The following DPP10 variants were observed in gnomAD, a reference collection of about 807,000 sequenced individuals.
DPP10 encodes the protein inactive dipeptidyl peptidase 10.
DPP10 carries 33 observed loss-of-function variants against 120.9 expected under a neutral mutation model. That is an observed-to-expected ratio of 0.27 (90% confidence interval 0.21 to 0.37). The LOEUF is 0.37. DPP10 is among the 10% of genes least tolerant of loss of function. DPP10 has a pLI of 1.00. For synonymous variants in DPP10, 337 were observed against 326.1 expected (o/e 1.03, Z -0.36); for missense variants, 816 against 942.8 (o/e 0.87, Z 1.76).
chr2:115,766,880 C>T (rs768149921), intron 12 of DPP10, among the ~76,000 whole-genome samples: 14 of 152,142 alleles, frequency 9.2e-5, no homozygotes, highest in Non-Finnish European at 1.5e-4. Flanking sequence ...CAGCACCCAG[C>T]GGTTACTGCT....
intron 1 of DPP10, among the ~76,000 whole-genome samples, chr2:114,853,262 T>A (rs1211148905): frequency 6.6e-6 from 1 of 152,172 alleles, no homozygotes; most frequent in African/African-American, 2.4e-5. Context: ...TGAAAACATA[T>A]GTAAACATTC....
chr2:115,471,903 G>T (rs1299121076), intron 3 of DPP10, among the ~76,000 whole-genome samples: 2 of 151,990 alleles, frequency 1.3e-5, no homozygotes, highest in Non-Finnish European at 2.9e-5. Context: ...GCAGGTGTGA[G>T]CCACTTCACT....
At chr2:115,249,624 A>G (rs1465204509) in intron 1 of DPP10, among the ~76,000 whole-genome samples, 1 of 152,174 alleles carries the variant, frequency 6.6e-6, no homozygotes, top group Non-Finnish European at 1.5e-5. Flanking sequence ...CGGAAATTCT[A>G]CATAGAAGCT....
At chr2:115,529,300 G>T (rs1295669588) in intron 5 of DPP10, among the ~76,000 whole-genome samples, 2 of 151,838 alleles carry the variant, frequency 1.3e-5, no homozygotes, top group African/African-American at 4.8e-5. Context: ...CTCCTGAGTA[G>T]CTGGGATTAC....
intron 1 of DPP10, among the ~76,000 whole-genome samples, chr2:114,888,334 A>G (rs1004509411): frequency 9.9e-5 from 15 of 152,242 alleles, no homozygotes; most frequent in Admixed American, 3.3e-4. Flanking sequence ...TATATCATTA[A>G]GGAACACAAA....
chr2:115,042,309 C>T (rs1210223252), intron 1 of DPP10, among the ~76,000 whole-genome samples: 1 of 152,042 alleles, frequency 6.6e-6, no homozygotes, highest in Non-Finnish European at 1.5e-5. Flanking sequence ...CTGTGTTGCC[C>T]AGGCTAGGGT....
chr2:114,640,239 T>C (rs1695607477), intron 1 of DPP10, among the ~76,000 whole-genome samples: 1 of 151,914 alleles, frequency 6.6e-6, no homozygotes, highest in South Asian at 2.1e-4. Context: ...TGGGCTTGCT[T>C]GCTGAAGCGT....
At chr2:115,228,146 C>T (rs1361016277) in intron 1 of DPP10, among the ~76,000 whole-genome samples, 2 of 151,744 alleles carry the variant, frequency 1.3e-5, no homozygotes, top group East Asian at 1.9e-4. Context: ...TGGGGTTTTG[C>T]AAAATTGACA....
intron 3 of DPP10, among the ~76,000 whole-genome samples, chr2:115,451,624 G>A (rs2073112927): frequency 6.6e-6 from 1 of 151,866 alleles, no homozygotes; most frequent in Non-Finnish European, 1.5e-5. Context: ...AGCACAGACA[G>A]CTGCCTCTGT....
chr2:114,801,028 C>T (rs1346517280), intron 1 of DPP10, among the ~76,000 whole-genome samples: 1 of 151,616 alleles, frequency 6.6e-6, no homozygotes, highest in Non-Finnish European at 1.5e-5. Context: ...CTTTGGGAGG[C>T]CGAGGAGGGC....
At chr2:114,521,125 TA>T (rs1573553891) in intron 1 of DPP10, among the ~76,000 whole-genome samples, 1 of 151,812 alleles carries the variant, frequency 6.6e-6, no homozygotes. Flanking sequence ...AGAAAATAAA[TA>T]AAAAATATAG....
At chr2:114,975,051 T>C (rs1427016019) in intron 1 of DPP10, among the ~76,000 whole-genome samples, 2 of 151,840 alleles carry the variant, frequency 1.3e-5, no homozygotes, top group Non-Finnish European at 2.9e-5. Flanking sequence ...GCTTTTTTTT[T>C]TTTTTGAGAT....
At chr2:114,694,542 G>A (rs1411381487) in intron 1 of DPP10, among the ~76,000 whole-genome samples, 1 of 151,936 alleles carries the variant, frequency 6.6e-6, no homozygotes, top group African/African-American at 2.4e-5. Context: ...ATTAATATGT[G>A]TTCTCTTTGA....
chr2:114,655,578 A>T (rs1696908008), intron 1 of DPP10, among the ~76,000 whole-genome samples: 1 of 152,194 alleles, frequency 6.6e-6, no homozygotes, highest in African/African-American at 2.4e-5. Context: ...GTGGAAGTAA[A>T]TAGTGACAGG....
chr2:114,888,935 C>A (rs559428431), intron 1 of DPP10, among the ~76,000 whole-genome samples: 1 of 152,254 alleles, frequency 6.6e-6, no homozygotes, highest in South Asian at 2.1e-4. Flanking sequence ...GAAATCTTAA[C>A]CCTCAATACT....
At chr2:115,474,659 C>T (rs1385369055) in intron 3 of DPP10, among the ~76,000 whole-genome samples, 1 of 150,412 alleles carries the variant, frequency 6.6e-6, no homozygotes, top group Non-Finnish European at 1.5e-5. Flanking sequence ...TGACCTGAAA[C>T]TGGAACTTAT....
intron 1 of DPP10, among the ~76,000 whole-genome samples, chr2:115,264,967 G>C (rs151121352): frequency 2.6e-4 from 40 of 152,212 alleles, no homozygotes; most frequent in African/African-American, 8.9e-4. Context: ...AAATGTTTCA[G>C]CTTATAGGTT....
At chr2:114,643,269 A>G (rs1695850002) in intron 1 of DPP10, among the ~76,000 whole-genome samples, 1 of 151,888 alleles carries the variant, frequency 6.6e-6, no homozygotes, top group South Asian at 2.1e-4. Context: ...GATGACAGCC[A>G]GGGGCAGGGA....
chr2:115,666,068 C>A (rs1422679868), intron 5 of DPP10, among the ~76,000 whole-genome samples: 1 of 152,006 alleles, frequency 6.6e-6, no homozygotes, highest in Non-Finnish European at 1.5e-5. Flanking sequence ...CTCAAGTAGA[C>A]CTTGGTTTGT....
Sources: allele counts gnomAD v4.1 joint callset (sites outside exome capture counted in the v4.1 genomes callset), GRCh38; gene constraint gnomAD v4.1.1; transcripts MANE v1.5; gene names NCBI Gene and HGNC (gene_info 2026-07-23, HGNC 2026-07-21).